The following SDK1 variants were observed in gnomAD, a reference collection of about 807,000 sequenced individuals.
SDK1 encodes protein sidekick-1.
A neutral mutation model predicts 245.5 loss-of-function variants in SDK1; 157 were observed. The observed-to-expected ratio is 0.64, with a 90% CI of 0.56 to 0.73. SDK1 has a LOEUF of 0.73. Ranked by LOEUF, SDK1 falls within the 30% of genes least tolerant of loss-of-function variation. SDK1 has a pLI of 0.00. For missense variants in SDK1, 3,583 were observed against 3,002.3 expected (o/e 1.19, Z -4.52); for synonymous variants, 1,647 against 1,278.5 (o/e 1.29, Z -6.15).
At position 4,114,239 on chromosome 7, in the gene SDK1, G is replaced by A. The variant is rs1783545909; in HGVS notation, c.3788G>A (p.Trp1263Ter). ...QAFNAVGAGPWSEVVRGRTRE... is the reference protein window; with the variant it reads ...QAFNAVGAGP ...TTCAACGCCGTCGGGGCTGGGCCGT[G>A]GAGCGAGGTGGTGCGGGGCCGGACG... The change falls in exon 25 of 45, where the codon TGG becomes TAG. Residue 1263 changes from tryptophan to a stop codon, truncating the protein, a stop_gained. Coordinates refer to ENST00000404826, the MANE Select transcript of SDK1 (RefSeq NM_152744.4). LOFTEE classifies it high-confidence loss of function. The A allele has an allele frequency of 1.2e-6, 2 of 1,612,040 alleles. No individual in the cohort carries two copies. The highest frequency in any genetic ancestry group is 2.7e-5 in the African/African-American group (2 of 74,906).
intron 5 of SDK1, among the ~76,000 whole-genome samples, chr7:3,945,392 A>G (rs545234111): frequency 6.6e-6 from 1 of 152,348 alleles, no homozygotes; most frequent in African/African-American, 2.4e-5. Flanking sequence ...TGTAAAAGGT[A>G]TATCAAATTA....
intron 19 of SDK1, among the ~76,000 whole-genome samples, chr7:4,056,549 G>A (rs1385351371): frequency 6.6e-6 from 1 of 152,128 alleles, no homozygotes; most frequent in Non-Finnish European, 1.5e-5. Flanking sequence ...AACCCAGACA[G>A]GTTCCCCACT....
At chr7:3,665,362 A>C (rs529129616) in intron 4 of SDK1, among the ~76,000 whole-genome samples, 1 of 152,328 alleles carries the variant, frequency 6.6e-6, no homozygotes, top group East Asian at 1.9e-4. Flanking sequence ...ACTTGCATGA[A>C]TCTACATATC....
chr7:4,064,101 C>T (rs1779718716), intron 19 of SDK1, among the ~76,000 whole-genome samples: 1 of 152,294 alleles, frequency 6.6e-6, no homozygotes, highest in Admixed American at 6.5e-5. Context: ...AACTTAAAAA[C>T]TTCTGTACAG....
chr7:3,999,142 GCA>G (rs1784887834), intron 14 of SDK1, among the ~76,000 whole-genome samples: 3 of 151,624 alleles, frequency 2.0e-5, no homozygotes, highest in East Asian at 1.9e-4. Context: ...ACACACACAC[GCA>G]CACACACATG....
chr7:3,875,695 T>C (rs1781059425), intron 5 of SDK1, among the ~76,000 whole-genome samples: 1 of 152,184 alleles, frequency 6.6e-6, no homozygotes, highest in African/African-American at 2.4e-5. Flanking sequence ...GGCAGGGATC[T>C]AAAGGAAGGA....
In SDK1 at chr7:4,221,316, T is replaced by G; in HGVS notation, c.5779T>G (p.Ser1927Ala). ...GACGCTGCAGTGGACTGAGGGACAC[T>G]CTGGCGACACACCTACCACGGGCTA... Reference protein sequence around the residue: ...ELTLQWTEGHSGDTPTTGYVI... With the variant: ...ELTLQWTEGHAGDTPTTGYVI... The change falls in exon 40 of 45, where the codon TCT becomes GCT. Residue 1927 changes from serine to alanine, a missense_variant. Physicochemically the swap from Ser to Ala is moderately conservative, Grantham distance 99. Coordinates refer to ENST00000404826, the MANE Select transcript of SDK1 (RefSeq NM_152744.4). 1 of 1,613,474 alleles carries G rather than the reference T, an allele frequency of 6.2e-7. No homozygotes were observed. Among genetic ancestry groups the G allele is most frequent in the Non-Finnish European group, 8.5e-7 (1 of 1,179,852 alleles).
chr7:3,642,161 A>C, intron 4 of SDK1, 56 bp downstream of exon 4: 1 of 1,519,428 alleles, frequency 6.6e-7, no homozygotes. Context: ...ACTTGCTGGC[A>C]CCATCTACAC....
chr7:3,574,879 A>T (rs1391381324), intron 1 of SDK1, among the ~76,000 whole-genome samples: 1 of 152,126 alleles, frequency 6.6e-6, no homozygotes, highest in Non-Finnish European at 1.5e-5. Context: ...TTTACAAATT[A>T]CACGAAAGGC....
At chr7:4,035,884 A>AT (rs1788173213) in intron 17 of SDK1, among the ~76,000 whole-genome samples, 1 of 152,188 alleles carries the variant, frequency 6.6e-6, no homozygotes, top group Non-Finnish European at 1.5e-5. Context: ...AAAGATGGGA[A>AT]AATTTACAAA....
At chr7:3,837,051 A>G (rs1780043525) in intron 5 of SDK1, among the ~76,000 whole-genome samples, 1 of 152,066 alleles carries the variant, frequency 6.6e-6, no homozygotes, top group Non-Finnish European at 1.5e-5. Context: ...TGTGTTAGAG[A>G]CACCGCATGA....
In SDK1 at chr7:3,651,077, C is replaced by T. The variant is rs111234715; in HGVS notation, c.713+8972C>T. ...AGACTTCATTGTGTTCATACACACA[C>T]ATGCCCAGGAGTGGAATGACTGGGC... On this transcript the variant is annotated intron_variant, in intron 4 of 44. Coordinates refer to ENST00000404826, the MANE Select transcript of SDK1 (RefSeq NM_152744.4). Among the ~76,000 whole-genome samples the T allele has an allele frequency of 3.3e-5, 5 of 151,560 alleles. 1 individual carries two copies. Among genetic ancestry groups the T allele is most frequent in the African/African-American group, 1.2e-4 (5 of 41,340 alleles).
intron 5 of SDK1, among the ~76,000 whole-genome samples, chr7:3,946,367 A>C (rs915522732): frequency 1.3e-5 from 2 of 152,144 alleles, no homozygotes; most frequent in African/African-American, 4.8e-5. Flanking sequence ...TTTTGTAGAC[A>C]TGGGGTTTCA....
chr7:4,135,791 C>T (rs762828269), intron 28 of SDK1, among the ~76,000 whole-genome samples: 1 of 152,200 alleles, frequency 6.6e-6, no homozygotes, highest in Non-Finnish European at 1.5e-5. Flanking sequence ...CGTATCAGAT[C>T]GAATATTTCA....
chr7:4,239,143 A>G (rs1415845040), intron 42 of SDK1, among the ~76,000 whole-genome samples: 3 of 152,216 alleles, frequency 2.0e-5, no homozygotes, highest in African/African-American at 7.2e-5. Flanking sequence ...ATAAGCATTT[A>G]TTGCCGAATG....
chr7:3,346,907 G>A lies in SDK1; in HGVS notation c.298+45023G>A, dbSNP rs374150903. On this transcript the variant is annotated intron_variant, in intron 1 of 44. Transcript: ENST00000404826. ...GCTGGTCTCGAACTCCTGGGCTCAA[G>A]TGATCCTCCTGATTCTGCCTCCCAA... Among the ~76,000 whole-genome samples the A allele has an allele frequency of 1.6e-4, 22 of 137,500 alleles. No homozygotes were observed. The East Asian group carries it at 2.6e-3, about 16-fold the overall frequency. The allele number at this position is 137,500 out of a possible 152,430, so 90.2% of individuals were successfully genotyped here.
intron 4 of SDK1, among the ~76,000 whole-genome samples, chr7:3,652,316 G>A (rs555300166): frequency 1.3e-5 from 2 of 152,294 alleles, no homozygotes; most frequent in South Asian, 2.1e-4. Flanking sequence ...GAAGAGCCAG[G>A]AGAGAGTGAG....
chr7:3,786,039 G>T (rs544058093), intron 4 of SDK1, among the ~76,000 whole-genome samples: 1 of 152,170 alleles, frequency 6.6e-6, no homozygotes, highest in African/African-American at 2.4e-5. Flanking sequence ...TAACACAAAT[G>T]TGGTCTCTTT....
In SDK1 at chr7:3,987,153, C is replaced by T. The variant is rs757982669; in HGVS notation, c.1995-33C>T. The T allele has an allele frequency of 2.5e-6, 4 of 1,612,290 alleles. No homozygotes were observed. The Admixed American group carries it at 6.7e-5, about 27-fold the overall frequency. The stretch of plus-strand genomic sequence containing the variant: ...CACCATGGATTCTGACATGTGTTTT[C>T]CTCTTTTTCCTTTTCATCCCATTCA... On this transcript the variant is annotated intron_variant, in intron 13 of 44. Transcript: ENST00000404826.
Sources: allele counts gnomAD v4.1 joint callset (sites outside exome capture counted in the v4.1 genomes callset), GRCh38; gene constraint gnomAD v4.1.1; transcripts MANE v1.5; gene names NCBI Gene and HGNC (gene_info 2026-07-23, HGNC 2026-07-21).